The following KCNAB1 variants were observed in gnomAD, a reference collection of about 807,000 sequenced individuals.
KCNAB1 encodes voltage-gated potassium channel subunit beta-1.
In KCNAB1, 35 loss-of-function variants were observed where a neutral mutation model predicts 64.6. That is an observed-to-expected ratio of 0.54 (90% CI 0.41 to 0.72). The LOEUF is 0.72. Among genes scored for constraint, KCNAB1 ranks in the 30% least tolerant of loss-of-function variants. The pLI is 0.00. For missense variants in KCNAB1, 401 were observed against 512.9 expected, an observed-to-expected ratio of 0.78 and a Z score of 2.11; for synonymous variants, 177 against 183.8, an observed-to-expected ratio of 0.96 and a Z score of 0.30.
chr3:156,286,323 T>C (rs1253268056), intron 1 of KCNAB1, among the ~76,000 whole-genome samples: 16 of 152,262 alleles, frequency 1.1e-4, no homozygotes, highest in Non-Finnish European at 1.5e-5. Flanking sequence ...CTAGAAATTC[T>C]TTTAATCACA....
chr3:156,348,742 G>T (rs1025787254), intron 1 of KCNAB1, among the ~76,000 whole-genome samples: 16 of 152,184 alleles, frequency 1.1e-4, no homozygotes, highest in Admixed American at 6.5e-4. Flanking sequence ...GGGAATGGAT[G>T]TGATTTCCCA....
At chr3:156,236,120 T>A (rs924066826) in intron 1 of KCNAB1, among the ~76,000 whole-genome samples, 1 of 152,192 alleles carries the variant, frequency 6.6e-6, no homozygotes, top group African/African-American at 2.4e-5. Flanking sequence ...ATAATAATTA[T>A]AACGATTCTG....
intron 1 of KCNAB1, among the ~76,000 whole-genome samples, chr3:156,311,547 G>A (rs914038746): frequency 2.6e-5 from 4 of 152,166 alleles, no homozygotes; most frequent in Non-Finnish European, 5.9e-5. Flanking sequence ...TGGAGCAGAG[G>A]CATGGGGAGT....
rs757553249 is a variant in KCNAB1, at chr3:156,474,799, G to A, written c.637G>A (p.Asp213Asn). 3 of 1,612,996 alleles carry A rather than the reference G, an allele frequency of 1.9e-6. No individual in the cohort carries two copies. Among genetic ancestry groups the A allele is most frequent in the South Asian group, 1.1e-5 (1 of 91,024 alleles). The stretch of plus-strand genomic sequence containing the variant: ...GGATGTGGTCTTTGCAAATCGACCG[G>A]ACAGTAACACTCCCATGGAAGGTAA... ...YVDVVFANRP[D>N]SNTPMEEIVR... Residue 213 changes from aspartate (D) to asparagine (N), a missense_variant, in exon 8 of 14, where the codon GAC becomes AAC. By Grantham distance (23) the Asp-to-Asn change is conservative (BLOSUM62 1). Coordinates refer to ENST00000490337, the MANE Select transcript of KCNAB1 (RefSeq NM_172160.3).
At chr3:156,515,277 C>T (rs764160954) in intron 10 of KCNAB1, 57 bp downstream of exon 10, 178 of 1,499,912 alleles carry the variant, frequency 1.2e-4, no homozygotes, top group Admixed American at 5.5e-4. Flanking sequence ...ATCACTGATT[C>T]GGGGAAAAAA....
At chr3:156,247,211 T>A (rs575156886) in intron 1 of KCNAB1, among the ~76,000 whole-genome samples, 6 of 152,304 alleles carry the variant, frequency 3.9e-5, no homozygotes, top group African/African-American at 1.4e-4. Context: ...TCCAGAAAGC[T>A]AGCCTGAGCT....
At chr3:156,200,040 G>A (rs1714223622) in intron 1 of KCNAB1, among the ~76,000 whole-genome samples, 1 of 152,126 alleles carries the variant, frequency 6.6e-6, no homozygotes, top group African/African-American at 2.4e-5. Flanking sequence ...TGATGTTATT[G>A]CTTTCTGTTT....
rs977505136 is a variant in KCNAB1, at chr3:156,507,034, A to G, written c.659-7330A>G. 4.6e-5 allele frequency among the ~76,000 whole-genome samples: 7 copies of G among 152,200 alleles called. 1 individual carries two copies. Among genetic ancestry groups the G allele is most frequent in the East Asian group, 1.9e-4 (1 of 5,200 alleles). ...ACACACAATGAGGTGAATTAAGTAAATGCTCTGTTAGTTTTCTCTCCCCAA... is the reference window on the plus strand; with the variant it reads ...ACACACAATGAGGTGAATTAAGTAAGTGCTCTGTTAGTTTTCTCTCCCCAA... On this transcript the variant is annotated intron_variant, in intron 8 of 13. Transcript: ENST00000490337.
At chr3:156,444,705 A>G (rs900346232) in intron 2 of KCNAB1, among the ~76,000 whole-genome samples, 1 of 152,222 alleles carries the variant, frequency 6.6e-6, no homozygotes, top group Non-Finnish European at 1.5e-5. Flanking sequence ...CAGCGCCATC[A>G]TGGGCCTTCC....
chr3:156,518,519 A>G (rs1717713630), intron 11 of KCNAB1, among the ~76,000 whole-genome samples: 1 of 151,070 alleles, frequency 6.6e-6, no homozygotes, highest in Non-Finnish European at 1.5e-5. Context: ...ATTAAAAGAT[A>G]GATATCTGGG....
chr3:156,422,849 C>A (rs907703007), intron 2 of KCNAB1, among the ~76,000 whole-genome samples: 1 of 151,728 alleles, frequency 6.6e-6, no homozygotes, highest in Non-Finnish European at 1.5e-5. Context: ...TGAGGAGGAG[C>A]CAAAGAAAGC....
chr3:156,172,952 C>G (rs1712104025), intron 1 of KCNAB1, among the ~76,000 whole-genome samples: 1 of 152,212 alleles, frequency 6.6e-6, no homozygotes, highest in African/African-American at 2.4e-5. Flanking sequence ...TGTCATCTGG[C>G]AGTTTCTTTC....
At chr3:156,212,800 G>A (rs1253096850) in intron 1 of KCNAB1, among the ~76,000 whole-genome samples, 3 of 152,198 alleles carry the variant, frequency 2.0e-5, no homozygotes, top group Non-Finnish European at 4.4e-5. Flanking sequence ...CTCTGAAAGT[G>A]TGTCACATGG....
intron 1 of KCNAB1, among the ~76,000 whole-genome samples, chr3:156,222,792 C>G (rs865934116): frequency 7.2e-5 from 11 of 152,224 alleles, no homozygotes; most frequent in Non-Finnish European, 1.0e-4. Context: ...CAAAACCATG[C>G]AAATATATGG....
intron 1 of KCNAB1, among the ~76,000 whole-genome samples, chr3:156,380,586 A>G (rs1712074994): frequency 6.6e-6 from 1 of 152,128 alleles, no homozygotes; most frequent in South Asian, 2.1e-4. Flanking sequence ...CTGTGCAAAT[A>G]TTTGCAGCAG....
At chr3:156,157,275 C>A (rs180752041) in intron 1 of KCNAB1, among the ~76,000 whole-genome samples, 1 of 152,172 alleles carries the variant, frequency 6.6e-6, no homozygotes, top group Non-Finnish European at 1.5e-5. Context: ...TCCTACTTAA[C>A]AGAACTCTGA....
intron 1 of KCNAB1, among the ~76,000 whole-genome samples, chr3:156,303,749 C>T (rs969695816): frequency 6.6e-6 from 1 of 152,184 alleles, no homozygotes; most frequent in Admixed American, 6.5e-5. Context: ...TAGTACTACA[C>T]TGAGGATAGT....
chr3:156,287,129 A>G (rs1720139672), intron 1 of KCNAB1, among the ~76,000 whole-genome samples: 1 of 152,146 alleles, frequency 6.6e-6, no homozygotes, highest in African/African-American at 2.4e-5. Context: ...TTGAGTTACC[A>G]TGAAGACTCT....
In KCNAB1 at chr3:156,338,303, C is replaced by CTTTTTTTTTTTTTTTTTTTTTTTTTTT. The variant is rs34671816; in HGVS notation, c.276-83312_276-83286dup. Among the ~76,000 whole-genome samples, 20 of 39,498 alleles carry CTTTTTTTTTTTTTTTTTTTTTTTTTTT rather than the reference C, an allele frequency of 5.1e-4. 6 individuals carry two copies. Among genetic ancestry groups the CTTTTTTTTTTTTTTTTTTTTTTTTTTT allele is most frequent in the East Asian group, 2.6e-3 (3 of 1,174 alleles). The allele number at this position is 39,498 out of a possible 152,430, so 25.9% of individuals were successfully genotyped here. ...TCTTATACTTTCTTTGGCATTTGCA[C>CTTTTTTTTTTTTTTTTTTTTTTTTTTT]TTTTTTTTTTTTTTTTTTTTTTTTT... On this transcript the variant is annotated intron_variant, in intron 1 of 13. Coordinates refer to ENST00000490337, the MANE Select transcript of KCNAB1 (RefSeq NM_172160.3).
Sources: gnomAD v4.1 joint callset for allele counts (sites outside exome capture counted in the v4.1 genomes callset) on GRCh38, gnomAD v4.1.1 for gene constraint, MANE v1.5 for transcripts, NCBI Gene and HGNC (gene_info 2026-07-23, HGNC 2026-07-21) for gene names.